The following GAR1 variants were observed in gnomAD, a reference collection of about 807,000 sequenced individuals.
GAR1 encodes H/ACA ribonucleoprotein complex subunit 1.
Under a neutral mutation model 29.3 loss-of-function variants are expected in GAR1, and 11 were observed. That is an observed-to-expected ratio of 0.38 (90% CI 0.24 to 0.62). The LOEUF (loss-of-function observed/expected upper bound fraction) is 0.62, where lower values mean the gene tolerates loss of function less well. Ranked by LOEUF, GAR1 falls within the 20% of genes least tolerant of loss-of-function variation. The pLI is 0.62. For synonymous variants in GAR1, 87 were observed against 93.3 expected, an observed-to-expected ratio of 0.93 and a Z score of 0.39; for missense variants, 237 against 268.4, an observed-to-expected ratio of 0.88 and a Z score of 0.82.
Position 109,824,464 on chromosome 4 carries a change from T to G in GAR1, c.*33T>G, listed in dbSNP as rs370869003. On this transcript the variant is annotated 3_prime_UTR_variant, in exon 7 of 7. Coordinates refer to ENST00000226796, the MANE Select transcript of GAR1 (RefSeq NM_018983.4). ...AGTTGACAGACATCACCAGTTGACT[T>G]CTGCATTAACCTGCATGATCTGTTT... 6.7e-5 allele frequency: 102 copies of G among 1,516,024 alleles called. No individual in the cohort carries two copies. Among genetic ancestry groups the G allele is most frequent in the Non-Finnish European group, 6.0e-5 (66 of 1,091,732 alleles). The allele number at this position is 1,516,024 out of a possible 1,614,324, so 93.9% of individuals were successfully genotyped here. A position where few individuals can be genotyped will look rare whatever the true frequency, so the allele number is the denominator to read the frequency against.
intron 4 of GAR1, among the ~76,000 whole-genome samples, chr4:109,820,678 G>A (rs1248562230): frequency 1.3e-5 from 2 of 152,122 alleles, no homozygotes; most frequent in Non-Finnish European, 2.9e-5. Flanking sequence ...GCTGCAAAGT[G>A]TTCATTGGAA....
intron 5 of GAR1, 68 bp downstream of exon 5, chr4:109,822,556 A>G: frequency 1.3e-6 from 2 of 1,515,118 alleles, no homozygotes; most frequent in Non-Finnish European, 1.8e-6. Flanking sequence ...ATACAATACA[A>G]TTTAGCTTTG....
At position 109,818,021 on chromosome 4, in the gene GAR1, T is replaced by A. The variant is rs746126091; in HGVS notation, c.300T>A (p.Ala100=). Residue 100 remains alanine (A), a synonymous_variant, in exon 3 of 7, where the codon GCT becomes GCA. Transcript: ENST00000226796. The stretch of plus-strand genomic sequence containing the variant: ...AAAATAAGGTGCCTTATTTCAATGC[T>A]CCTGTTTACTTAGAAAACAAAGAAC... ...TDENKVPYFN[A]PVYLENKEQI... is the part of the protein sequence containing the mutation. 2 of 1,603,712 alleles carry A rather than the reference T, an allele frequency of 1.2e-6. No homozygotes were observed. Among genetic ancestry groups the A allele is most frequent in the Non-Finnish European group, 1.7e-6 (2 of 1,172,284 alleles).
upstream of GAR1, chr4:109,815,556 C>T (rs1269223386): frequency 2.6e-5 from 4 of 153,970 alleles, no homozygotes; most frequent in Admixed American, 2.6e-4. Context: ...GCAAGTTGGC[C>T]TCTCTGTTGT....
chr4:109,822,904 GGAAAC>G (rs1733550580), intron 5 of GAR1, among the ~76,000 whole-genome samples: 1 of 152,106 alleles, frequency 6.6e-6, no homozygotes, highest in Non-Finnish European at 1.5e-5. Flanking sequence ...TTATGAATGA[GGAAAC>G]GGAGACTTAC....
intron 3 of GAR1, 68 bp downstream of exon 3, chr4:109,818,158 G>A: frequency 8.9e-7 from 1 of 1,122,200 alleles, no homozygotes; most frequent in Non-Finnish European, 1.3e-6. Flanking sequence ...TGAGGAGGCA[G>A]TTAAGTATAA....
In GAR1 at chr4:109,819,002, A is replaced by AT; in HGVS notation, c.376dup (p.Ser126PhefsTer3). Reference sequence around the variant, plus strand: ...TTTGTTCCTTAATGAAAATAATAGTATTTTTCAGTTAAGTTGTCAGAAAAC... The same window carrying AT: ...TTTGTTCCTTAATGAAAATAATAGTATTTTTTCAGTTAAGTTGTCAGAAAAC... On this transcript the variant is annotated frameshift_variant and splice_region_variant, in exon 4 of 7. Coordinates refer to ENST00000226796, the MANE Select transcript of GAR1 (RefSeq NM_018983.4). LOFTEE classifies it high-confidence loss of function. The AT allele has an allele frequency of 7.8e-7, 1 of 1,281,930 alleles. No individual in the cohort carries two copies. The highest frequency in any genetic ancestry group is 1.1e-6 in the Non-Finnish European group (1 of 890,092). The allele number at this position is 1,281,930 out of a possible 1,614,324, so 79.4% of individuals were successfully genotyped here.
upstream of GAR1, chr4:109,815,640 G>C (rs1264536559): frequency 6.0e-6 from 1 of 165,972 alleles, no homozygotes; most frequent in East Asian, 1.9e-4. Flanking sequence ...AGTGTTGCTT[G>C]TTCCGCGGGT....
In GAR1 at chr4:109,817,901, GTTCTATGTTTTAACAT is replaced by G. The variant is rs1408266109; in HGVS notation, c.215-32_215-17del. 3 of 1,566,044 alleles carry G rather than the reference GTTCTATGTTTTAACAT, an allele frequency of 1.9e-6. No homozygotes were observed. Among genetic ancestry groups the G allele is most frequent in the Non-Finnish European group, 2.6e-6 (3 of 1,150,544 alleles). ...CAGTTGGTCAGTATCGTTTGAAATA[GTTCTATGTTTTAACAT>G]TTTCTTGTCCTGTTTCAGTATTAGG... On this transcript the variant is annotated intron_variant, in intron 2 of 6. Transcript: ENST00000226796.
Position 109,822,880 on chromosome 4 carries a change from A to G in GAR1, c.571+392A>G, listed in dbSNP as rs559963701. On this transcript the variant is annotated intron_variant, in intron 5 of 6. Coordinates refer to ENST00000226796, the MANE Select transcript of GAR1 (RefSeq NM_018983.4). ...TACTCAGCGAAACCTTTTGAGATAG[A>G]TGATATCCTTATTTTATGAATGAGG... Among the ~76,000 whole-genome samples, 10 of 152,328 alleles carry G rather than the reference A, an allele frequency of 6.6e-5. No individual in the cohort carries two copies. The South Asian group carries it at 1.9e-3, about 28-fold the overall frequency.
At chr4:109,818,554 CCTTT>C (rs1337431819) in intron 3 of GAR1, among the ~76,000 whole-genome samples, 3 of 146,826 alleles carry the variant, frequency 2.0e-5, no homozygotes, top group South Asian at 2.2e-4. Flanking sequence ...TCCCTTCCTT[CCTTT>C]CTTTTTTCCT....
rs776566724 is a variant in GAR1 at position 109,817,616 on chromosome 4, C to G, written c.215-320C>G. Reference sequence around the variant, plus strand: ...TGGTGTCAGTGTGCCAGGCACTGTTCTAAGCACTTGACATTTGTTATTCCA... The same window carrying G: ...TGGTGTCAGTGTGCCAGGCACTGTTGTAAGCACTTGACATTTGTTATTCCA... On this transcript the variant is annotated intron_variant, in intron 2 of 6. Coordinates refer to ENST00000226796, the MANE Select transcript of GAR1 (RefSeq NM_018983.4). Among the ~76,000 whole-genome samples the G allele has an allele frequency of 6.5e-4, 99 of 152,194 alleles. 1 individual carries two copies. The highest frequency in any genetic ancestry group is 2.0e-4 in the Admixed American group (3 of 15,280).
In GAR1 at chr4:109,823,881, G is replaced by T; in HGVS notation, c.572-84G>T. The T allele has an allele frequency of 7.4e-6, 6 of 813,462 alleles. 1 individual carries two copies. In the South Asian group the frequency reaches 9.5e-5, roughly 13 times the overall value. The allele number at this position is 813,462 out of a possible 1,614,324, so 50.4% of individuals were successfully genotyped here. A position where few individuals can be genotyped will look rare whatever the true frequency, so the allele number is the denominator to read the frequency against. On this transcript the variant is annotated intron_variant, in intron 5 of 6. Coordinates refer to ENST00000226796, the MANE Select transcript of GAR1 (RefSeq NM_018983.4). ...TCTTTTTAGGCTTATCAATATAAGA[G>T]GTTATACAGTTAATAACTTAATGAT...
rs1487488539 is a variant in GAR1 at position 109,816,156 on chromosome 4, G to A, written c.-9G>A. On this transcript the variant is annotated 5_prime_UTR_variant, in exon 2 of 7. Transcript: ENST00000226796. ...TAGGTCGTTTTTTTTTCATCAGGGAGGAGAGAGAATGTCTTTTCGAGGCGG... is the reference window on the plus strand; with the variant it reads ...TAGGTCGTTTTTTTTTCATCAGGGAAGAGAGAGAATGTCTTTTCGAGGCGG... 6.2e-7 allele frequency: 1 copy of A among 1,611,106 alleles called. No homozygotes were observed. Among genetic ancestry groups the A allele is most frequent in the Non-Finnish European group, 8.5e-7 (1 of 1,179,170 alleles).
At chr4:109,822,568 A>G (rs1733543454) in intron 5 of GAR1, 80 bp downstream of exon 5, 3 of 1,434,112 alleles carry the variant, frequency 2.1e-6, no homozygotes, top group Middle Eastern at 1.9e-4. Context: ...TTAGCTTTGT[A>G]CATAGCAAAC....
In GAR1 at chr4:109,816,301, G is replaced by T; in HGVS notation, c.137G>T (p.Arg46Met). 6.2e-7 allele frequency: 1 copy of T among 1,612,668 alleles called. No individual in the cohort carries two copies. The highest frequency in any genetic ancestry group is 1.1e-5 in the South Asian group (1 of 90,926). The change falls in exon 2 of 7, where the codon AGG becomes ATG. Residue 46 changes from arginine to methionine, a missense_variant. Physicochemically the swap from Arg to Met is moderately conservative, Grantham distance 91 (BLOSUM62 -1). Coordinates refer to ENST00000226796, the MANE Select transcript of GAR1 (RefSeq NM_018983.4). Reference sequence around the variant, plus strand: ...GGCGGCAATTTCAGAGGCGGCGGCAGGGGAGGATTTGGACGAGGGGGTGGC... The same window carrying T: ...GGCGGCAATTTCAGAGGCGGCGGCATGGGAGGATTTGGACGAGGGGGTGGC... ...GGGGNFRGGG[R>M]GGFGRGGGRG... is the part of the protein sequence containing the mutation.
At chr4:109,815,561 T>A (rs1733323358), upstream of GAR1, 2 of 154,224 alleles carry the variant, frequency 1.3e-5, no homozygotes. Context: ...TTGGCCTCTC[T>A]GTTGTAAATT....
At chr4:109,816,435 GTGT>G (rs1733355634) in intron 2 of GAR1, 57 bp downstream of exon 2, 10 of 1,531,042 alleles carry the variant, frequency 6.5e-6, no homozygotes, top group Admixed American at 1.7e-5. Context: ...TTGGGGGTTT[GTGT>G]TGTTAGGCAG....
At chr4:109,820,052 C>T (rs781018480) in intron 4 of GAR1, among the ~76,000 whole-genome samples, 21 of 152,122 alleles carry the variant, frequency 1.4e-4, no homozygotes, top group Non-Finnish European at 2.1e-4. Flanking sequence ...GATAAAAAGG[C>T]ACCTTGGGAA....
Sources: gnomAD v4.1 joint callset for allele counts (sites outside exome capture counted in the v4.1 genomes callset) on GRCh38, gnomAD v4.1.1 for gene constraint, MANE v1.5 for transcripts, NCBI Gene and HGNC (gene_info 2026-07-23, HGNC 2026-07-21) for gene names.